The following DARS2 variants were observed in gnomAD, a reference collection of about 807,000 sequenced individuals.
The protein encoded by DARS2 is aspartate--tRNA ligase, mitochondrial.
Under a neutral mutation model 83.0 loss-of-function variants are expected in DARS2, and 63 were observed. That is an observed-to-expected ratio of 0.76 (90% CI 0.62 to 0.94). The LOEUF is 0.94. Ranked by LOEUF, DARS2 falls within the 40% of genes least tolerant of loss-of-function variation. The pLI is 0.00. For synonymous variants in DARS2, 250 were observed against 269.3 expected, an observed-to-expected ratio of 0.93 and a Z score of 0.70; for missense variants, 675 against 774.4, an observed-to-expected ratio of 0.87 and a Z score of 1.52.
intron 11 of DARS2, among the ~76,000 whole-genome samples, chr1:173,841,176 AC>A (rs1327300070): frequency 6.6e-6 from 1 of 152,072 alleles, no homozygotes; most frequent in Non-Finnish European, 1.5e-5. Context: ...GGAGTTCAAG[AC>A]CAGCCTGGCT....
chr1:173,854,863 TAAA>T (rs1235064915), intron 15 of DARS2, among the ~76,000 whole-genome samples: 1 of 152,178 alleles, frequency 6.6e-6, no homozygotes, highest in African/African-American at 2.4e-5. Context: ...TTTTTAAAAG[TAAA>T]AGAAGAGTCT....
intron 14 of DARS2, 98 bp downstream of exon 14, chr1:173,853,665 A>G: frequency 1.3e-6 from 2 of 1,514,724 alleles, no homozygotes; most frequent in Non-Finnish European, 1.8e-6. Context: ...CCAGTTCTGG[A>G]AGCCCCAGAA....
At chr1:173,841,375 T>C (rs1311296210) in intron 11 of DARS2, among the ~76,000 whole-genome samples, 1 of 151,060 alleles carries the variant, frequency 6.6e-6, no homozygotes, top group Non-Finnish European at 1.5e-5. Context: ...AAAACTGTGT[T>C]TGAAAAAAAA....
rs752318379 is a variant in DARS2 at position 173,853,367 on chromosome 1, T to C, written c.1363T>C (p.Leu455=). ...TTTGCAGTGCTCTTTGTTAGGAAAA[T>C]TACGACTGGAATGTGCTGACCTTCT... ...HNKACSLLGK[L]RLECADLLET... The change falls in exon 14 of 17, where the codon TTA becomes CTA. Residue 455 remains leucine (L), a synonymous_variant. Coordinates refer to ENST00000649689, the MANE Select transcript of DARS2 (RefSeq NM_018122.5). 5 of 1,613,650 alleles carry C rather than the reference T, an allele frequency of 3.1e-6. No individual in the cohort carries two copies. The highest frequency in any genetic ancestry group is 4.2e-6 in the Non-Finnish European group (5 of 1,180,004).
rs576188844 is a variant in DARS2 at position 173,856,329 on chromosome 1, T to C, written c.1675-337T>C. ...ACTTAGTAATGCTCTCTTCCCTTGGTCTCTGTGACAGGAGAGTTTCCTGCT... is the reference window on the plus strand; with the variant it reads ...ACTTAGTAATGCTCTCTTCCCTTGGCCTCTGTGACAGGAGAGTTTCCTGCT... On this transcript the variant is annotated intron_variant, in intron 15 of 16. Transcript: ENST00000649689. Among the ~76,000 whole-genome samples the C allele has an allele frequency of 2.6e-5, 4 of 152,320 alleles. 1 individual carries two copies. Among genetic ancestry groups the C allele is most frequent in the African/African-American group, 9.6e-5 (4 of 41,562 alleles).
chr1:173,852,007 G>A, intron 13 of DARS2: 1 of 985,308 alleles, frequency 1.0e-6, no homozygotes, highest in Non-Finnish European at 1.2e-6. Context: ...CCTTCTCTTG[G>A]TATGAACTAA....
At chr1:173,856,615 C>T (rs1653867945) in intron 15 of DARS2, 51 bp from the exon 16 acceptor site, 1 of 1,546,076 alleles carries the variant, frequency 6.5e-7, no homozygotes, top group African/African-American at 1.4e-5. Context: ...GATGGTGGCA[C>T]TTAGTGGACC....
At chr1:173,826,264 G>A (rs1652555902) in intron 1 of DARS2, among the ~76,000 whole-genome samples, 1 of 151,834 alleles carries the variant, frequency 6.6e-6, no homozygotes, top group Admixed American at 6.6e-5. Context: ...TTATAATAGT[G>A]TTTTCTAGTG....
Position 173,837,008 on chromosome 1 carries a change from A to G in DARS2, c.732A>G (p.Gln244=). The G allele has an allele frequency of 6.2e-7, 1 of 1,614,072 alleles. No homozygotes were observed. Among genetic ancestry groups the G allele is most frequent in the South Asian group, 1.1e-5 (1 of 91,086 alleles). ...GKFYSLPQSP[Q]QFKQLLMVGG... ...TTTATTCTCTCCCTCAGAGTCCTCA[A>G]CAGTTTAAGCAACTTCTGATGGTTG... The change falls in exon 8 of 17, where the codon CAA becomes CAG. Residue 244 remains glutamine (Q), a synonymous_variant. Coordinates refer to ENST00000649689, the MANE Select transcript of DARS2 (RefSeq NM_018122.5).
At chr1:173,847,218 TC>T in intron 12 of DARS2, among the ~76,000 whole-genome samples, 1 of 152,304 alleles carries the variant, frequency 6.6e-6, no homozygotes, top group African/African-American at 2.4e-5. Flanking sequence ...TAAAGAACTA[TC>T]CTTTTTTTCT....
At chr1:173,849,861 CTT>C (rs10558579) in intron 12 of DARS2, among the ~76,000 whole-genome samples, 131 of 109,922 alleles carry the variant, frequency 1.2e-3, no homozygotes, top group African/African-American at 2.7e-3. Flanking sequence ...GTTGAAATGA[CTT>C]TTTTTTTTTT....
chr1:173,858,354 GTTA>G lies in DARS2; in HGVS notation c.*652_*654del, dbSNP rs1653928699. On this transcript the variant is annotated 3_prime_UTR_variant, in exon 17 of 17. Transcript: ENST00000649689. ...CTTGCCCTGGCTACCTCACCGGGCT[GTTA>G]TTGCTGGAATCAGAGGAGATAACAT... 1 of 153,616 alleles carries G rather than the reference GTTA, an allele frequency of 6.5e-6. No individual in the cohort carries two copies. The highest frequency in any genetic ancestry group is 6.4e-5 in the Admixed American group (1 of 15,570). 9.5% of individuals were successfully genotyped at this position (153,616 alleles called of 1,614,324 possible).
intron 3 of DARS2, among the ~76,000 whole-genome samples, chr1:173,829,582 C>G (rs773720474): frequency 1.3e-5 from 2 of 151,844 alleles, no homozygotes; most frequent in Non-Finnish European, 2.9e-5. Flanking sequence ...TTGAGACCAG[C>G]CTGGGCAACA....
At chr1:173,839,719 A>G (rs1316536762) in intron 10 of DARS2, among the ~76,000 whole-genome samples, 173 bp downstream of exon 10, 1 of 152,246 alleles carries the variant, frequency 6.6e-6, no homozygotes, top group Admixed American at 6.5e-5. Flanking sequence ...TTAGCAATAC[A>G]GTGCTTTCTA....
At chr1:173,834,211 A>G (rs1184705195) in intron 6 of DARS2, among the ~76,000 whole-genome samples, 1 of 152,226 alleles carries the variant, frequency 6.6e-6, no homozygotes, top group Non-Finnish European at 1.5e-5. Context: ...AAAAATCAGA[A>G]TAGTTCAGTA....
intron 12 of DARS2, among the ~76,000 whole-genome samples, chr1:173,847,289 T>G (rs1653473530): frequency 6.6e-6 from 1 of 152,158 alleles, no homozygotes; most frequent in African/African-American, 2.4e-5. Context: ...AAATTAAAAA[T>G]TGGCAACCCT....
chr1:173,849,168 T>TTA (rs1186265763), intron 12 of DARS2, among the ~76,000 whole-genome samples: 1 of 151,052 alleles, frequency 6.6e-6, no homozygotes, highest in East Asian at 1.9e-4. Flanking sequence ...TTTTTTTTTT[T>TTA]AATGCTGCAG....
intron 9 of DARS2, 101 bp downstream of exon 9, chr1:173,838,360 T>C: frequency 1.2e-6 from 1 of 835,328 alleles, no homozygotes; most frequent in Non-Finnish European, 2.0e-6. Flanking sequence ...TCTCATTACA[T>C]TTTATCCATC....
At chr1:173,840,585 G>A (rs1437842687) in intron 10 of DARS2, among the ~76,000 whole-genome samples, 1 of 152,148 alleles carries the variant, frequency 6.6e-6, no homozygotes, top group African/African-American at 2.4e-5. Flanking sequence ...TTCTGGCTCT[G>A]CCACTTACTA....
Sources: allele counts gnomAD v4.1 joint callset (sites outside exome capture counted in the v4.1 genomes callset), GRCh38; gene constraint gnomAD v4.1.1; transcripts MANE v1.5; gene names NCBI Gene and HGNC (gene_info 2026-07-23, HGNC 2026-07-21).